NF1: variants seen among roughly 807,000 people sequenced by gnomAD.
NF1 encodes neurofibromin.
In NF1, 122 loss-of-function variants were observed where a neutral mutation model predicts 325.7. That is an observed-to-expected ratio of 0.37 (90% CI 0.32 to 0.44). NF1 has a LOEUF of 0.44. NF1 is among the 20% of genes least tolerant of loss of function. NF1 has a pLI of 1.00. For synonymous variants in NF1, 1,091 were observed against 1,186.0 expected (o/e 0.92, Z 1.65); for missense variants, 2,140 against 3,415.4 (o/e 0.63, Z 9.31).
chr17:31,103,522 G>A (rs1419577885), intron 1 of NF1, among the ~76,000 whole-genome samples: 1 of 152,166 alleles, frequency 6.6e-6, no homozygotes, highest in Non-Finnish European at 1.5e-5. Flanking sequence ...TGGGATCACA[G>A]GCTTGAACCA....
chr17:31,131,884 T>C (rs1915419677), intron 1 of NF1, among the ~76,000 whole-genome samples: 1 of 152,154 alleles, frequency 6.6e-6, no homozygotes, highest in African/African-American at 2.4e-5. Context: ...ATTTCACCCC[T>C]AATGTTTATT....
At chr17:31,362,043 C>T (rs1597871818) in intron 57 of NF1, among the ~76,000 whole-genome samples, 1 of 152,140 alleles carries the variant, frequency 6.6e-6, no homozygotes, top group East Asian at 1.9e-4. Context: ...CGTGTGATCC[C>T]AGACCAGCAG....
intron 1 of NF1, among the ~76,000 whole-genome samples, chr17:31,129,454 ATTTT>A (rs59199139): frequency 4.0e-5 from 5 of 126,432 alleles, no homozygotes; most frequent in Admixed American, 1.6e-4. Flanking sequence ...GCATTATGAA[ATTTT>A]TTTTTTTTTT....
intron 36 of NF1, chr17:31,295,512 T>G: frequency 6.2e-7 from 1 of 1,614,188 alleles, no homozygotes; most frequent in African/African-American, 1.3e-5. Context: ...AAGCTTGAGG[T>G]AAATCCAGAA....
At chr17:31,254,358 T>C (rs921951517) in intron 31 of NF1, 4 of 151,376 alleles carry the variant, frequency 2.6e-5, no homozygotes, top group African/African-American at 4.9e-5. Context: ...GCTTTAAATA[T>C]AGATTTTTAA....
chr17:31,341,444 G>A (rs1301136893), intron 47 of NF1, among the ~76,000 whole-genome samples: 1 of 151,998 alleles, frequency 6.6e-6, no homozygotes, highest in African/African-American at 2.4e-5. Context: ...GATTGCTTGA[G>A]CCTGGGAGGC....
chr17:31,099,558 C>CTT (rs34905795), intron 1 of NF1, among the ~76,000 whole-genome samples: 37 of 123,914 alleles, frequency 3.0e-4, no homozygotes, highest in East Asian at 4.7e-4. Context: ...AGGTGTGTAG[C>CTT]TTTTTTTTTT....
At position 31,214,504 on chromosome 17, in the gene NF1, A is replaced by G; in HGVS notation, c.1446A>G (p.Thr482=). The G allele has an allele frequency of 1.2e-6, 2 of 1,609,502 alleles. No homozygotes were observed. Among genetic ancestry groups the G allele is most frequent in the Non-Finnish European group, 1.7e-6 (2 of 1,176,534 alleles). The change falls in exon 13 of 58, where the codon ACA becomes ACG. Residue 482 remains threonine (T), a synonymous_variant. Coordinates refer to ENST00000358273, the MANE Select transcript of NF1 (RefSeq NM_001042492.3). The part of the protein sequence containing the change: ...VTSLKFKEKP[T]DLETRSYKYL... ...GCCTTAAATTTAAAGAAAAACCTAC[A>G]GACCTGGAGACAAGAAGCTATAAGT...
chr17:31,337,336 C>A (rs370220255), intron 42 of NF1, 32 bp from the exon 43 acceptor site: 309 of 1,515,930 alleles, frequency 2.0e-4, no homozygotes, highest in East Asian at 9.0e-4. Context: ...GTAATATTTT[C>A]TGTCTTTACT....
intron 39 of NF1, among the ~76,000 whole-genome samples, chr17:31,332,533 C>T (rs900454498): frequency 1.2e-4 from 18 of 150,518 alleles, no homozygotes; most frequent in Non-Finnish European, 2.4e-4. Context: ...GGGTGCTGAC[C>T]GATTAATAAA....
intron 36 of NF1, among the ~76,000 whole-genome samples, chr17:31,301,018 G>A (rs1359878270): frequency 6.6e-6 from 1 of 151,934 alleles, no homozygotes; most frequent in Non-Finnish European, 1.5e-5. Flanking sequence ...CCCATATTAG[G>A]AGCATTTTAA....
rs147826345 is a variant in NF1 at position 31,216,536 on chromosome 17, T to C, written c.1527+1951T>C. Among the ~76,000 whole-genome samples, 1,035 of 152,298 alleles carry C rather than the reference T, an allele frequency of 6.8e-3. 17 individuals carry two copies. The highest frequency in any genetic ancestry group is 0.023 in the African/African-American group (972 of 41,558). The stretch of plus-strand genomic sequence containing the variant: ...AATATGATTTTGTCTTCCATTTTAG[T>C]ACTCTCAATTTCTCAAGCCTCCTAA... On this transcript the variant is annotated intron_variant, in intron 13 of 57. Coordinates refer to ENST00000358273, the MANE Select transcript of NF1 (RefSeq NM_001042492.3).
intron 36 of NF1, among the ~76,000 whole-genome samples, chr17:31,277,443 C>CCAGTGATATTTTGGGATTATTTGTGA (rs2068029692): frequency 6.6e-6 from 1 of 152,096 alleles, no homozygotes; most frequent in Admixed American, 6.5e-5. Flanking sequence ...GTTGTCTTAG[C>CCAGTGATATTTTGGGATTATTTGTGA]CAGTGATATT....
chr17:31,268,090 C>T (rs12150521), intron 36 of NF1, among the ~76,000 whole-genome samples: 85,597 of 152,078 alleles, frequency 0.56, 26,485 homozygotes, highest in Middle Eastern at 0.77. Context: ...GACTGTCTCT[C>T]GGTTTTGTGT....
At chr17:31,365,927 TATTTA>T (rs1483896611) in intron 57 of NF1, among the ~76,000 whole-genome samples, 1 of 151,744 alleles carries the variant, frequency 6.6e-6, no homozygotes, top group Non-Finnish European at 1.5e-5. Flanking sequence ...ATTCGTGATC[TATTTA>T]ATTTTTTTTT....
At chr17:31,170,267 G>A (rs1377418743) in intron 5 of NF1, among the ~76,000 whole-genome samples, 2 of 152,180 alleles carry the variant, frequency 1.3e-5, no homozygotes, top group Non-Finnish European at 2.9e-5. Flanking sequence ...ATGCAAGGGT[G>A]CTATTATTTC....
chr17:31,250,413 A>G (rs1044347902), intron 30 of NF1: 2 of 215,466 alleles, frequency 9.3e-6, no homozygotes, highest in African/African-American at 2.3e-5. Context: ...AGTCTGGGTC[A>G]GCTTCTTGGT....
chr17:31,228,750 G>A (rs556038221), intron 20 of NF1, among the ~76,000 whole-genome samples: 1 of 152,074 alleles, frequency 6.6e-6, no homozygotes, highest in South Asian at 2.1e-4. Flanking sequence ...TTTGTGATTA[G>A]CTTCTTTCAC....
At chr17:31,261,938 T>C in intron 35 of NF1, 81 bp downstream of exon 35, 2 of 1,384,410 alleles carry the variant, frequency 1.4e-6, no homozygotes, top group Non-Finnish European at 2.0e-6. Flanking sequence ...TTGTTAGATA[T>C]GATAGAAGAC....
Sources: allele counts gnomAD v4.1 joint callset (sites outside exome capture counted in the v4.1 genomes callset), GRCh38; gene constraint gnomAD v4.1.1; transcripts MANE v1.5; gene names NCBI Gene and HGNC (gene_info 2026-07-23, HGNC 2026-07-21).